The following PRELID2 variants were observed in gnomAD, a reference collection of about 807,000 sequenced individuals.
PRELID2 encodes PRELI domain containing 2.
PRELID2 carries 25 observed loss-of-function variants against 28.4 expected under a neutral mutation model. That is an observed-to-expected ratio of 0.88 (90% CI 0.64 to 1.23). The LOEUF (loss-of-function observed/expected upper bound fraction) is 1.23, where lower values mean the gene tolerates loss of function less well. PRELID2 is among the 50% of genes most tolerant of loss of function. The probability of loss-of-function intolerance (pLI) is 0.00; values close to 1 mark genes in which losing one functional copy is unlikely to be tolerated. For synonymous variants in PRELID2, 76 were observed against 71.6 expected, an observed-to-expected ratio of 1.06 and a Z score of -0.31; for missense variants, 201 against 214.4, an observed-to-expected ratio of 0.94 and a Z score of 0.39.
At chr5:145,542,358 G>A (rs1752750758) in intron 1 of PRELID2, among the ~76,000 whole-genome samples, 1 of 152,080 alleles carries the variant, frequency 6.6e-6, no homozygotes, top group African/African-American at 2.4e-5. Flanking sequence ...CAAAAGTGGT[G>A]GGGATTAGAA....
In PRELID2 at chr5:145,760,427, C is replaced by T. The variant is rs529630504; in HGVS notation, c.*109G>A. On this transcript the variant is annotated 3_prime_UTR_variant, in exon 7 of 7. Transcript: ENST00000683046. ...AAGCTGCCAACACTGTATCCTCAAA[C>T]CTGTATTCCAGAAACTGTGTCTGTG... 2 of 151,978 alleles carry T rather than the reference C, an allele frequency of 1.3e-5. No homozygotes were observed. Among genetic ancestry groups the T allele is most frequent in the African/African-American group, 2.4e-5 (1 of 41,358 alleles). The allele number at this position is 151,978 out of a possible 1,614,324, so 9.4% of individuals were successfully genotyped here. A position where few individuals can be genotyped will look rare whatever the true frequency, so the allele number is the denominator to read the frequency against.
the PRELID2 span, among the ~76,000 whole-genome samples, chr5:145,289,943 G>A: frequency 6.6e-6 from 1 of 151,634 alleles, no homozygotes; most frequent in Non-Finnish European, 1.5e-5. Flanking sequence ...TTTTTTAATT[G>A]GGTTGTTTGT....
At chr5:145,659,066 G>A (rs2149675884) in intron 1 of PRELID2, among the ~76,000 whole-genome samples, 1 of 152,314 alleles carries the variant, frequency 6.6e-6, no homozygotes, top group Non-Finnish European at 1.5e-5. Flanking sequence ...GAGCAAAGGA[G>A]AGTCTGACCT....
chr5:145,373,006 A>T, the PRELID2 span, among the ~76,000 whole-genome samples: 1 of 119,264 alleles, frequency 8.4e-6, no homozygotes, highest in Non-Finnish European at 1.6e-5. Context: ...CAACATATAT[A>T]ATATATATAT....
intron 5 of PRELID2, among the ~76,000 whole-genome samples, chr5:145,774,742 G>A (rs1388674651): frequency 6.6e-6 from 1 of 152,156 alleles, no homozygotes; most frequent in Admixed American, 6.5e-5. Flanking sequence ...GTTTCCTCAG[G>A]TCATAGTAGT....
At chr5:145,390,717 T>G in the PRELID2 span, among the ~76,000 whole-genome samples, 1 of 152,282 alleles carries the variant, frequency 6.6e-6, no homozygotes, top group Admixed American at 6.5e-5. Flanking sequence ...AAGTCTTAGT[T>G]CATTCCAGCA....
intron 1 of PRELID2, among the ~76,000 whole-genome samples, chr5:145,652,913 A>G (rs1431455941): frequency 6.6e-6 from 1 of 152,214 alleles, no homozygotes; most frequent in East Asian, 1.9e-4. Context: ...TTAACATTAA[A>G]CGTAAATGGG....
At chr5:145,387,875 C>T in the PRELID2 span, among the ~76,000 whole-genome samples, 1 of 150,190 alleles carries the variant, frequency 6.7e-6, no homozygotes, top group African/African-American at 2.5e-5. Flanking sequence ...GCAGTAAGCC[C>T]AGATTGCACC....
chr5:145,702,090 T>C (rs1755422302), intron 1 of PRELID2, among the ~76,000 whole-genome samples: 2 of 152,010 alleles, frequency 1.3e-5, no homozygotes, highest in Non-Finnish European at 1.5e-5. Context: ...CACACATATA[T>C]ATATATTTAA....
rs1752277285 is a variant in PRELID2, at chr5:145,492,357, A to T, written n.71-19042T>A. ...AAAATGTCTATTCAGGTCCTTTGCA[A>T]AATTTTTAATCGAGTCATTTTGTTT... On this transcript the variant is annotated intron_variant and non_coding_transcript_variant, in intron 1 of 2. Coordinates refer to the PRELID2 transcript ENST00000510259. 2.1e-5 allele frequency among the ~76,000 whole-genome samples: 2 copies of T among 95,710 alleles called. 1 individual carries two copies. Among genetic ancestry groups the T allele is most frequent in the South Asian group, 1.1e-3 (2 of 1,902 alleles). 62.8% of individuals were successfully genotyped at this position (95,710 alleles called of 152,430 possible). A position where few individuals can be genotyped will look rare whatever the true frequency, so the allele number is the denominator to read the frequency against.
the PRELID2 span, among the ~76,000 whole-genome samples, chr5:145,298,543 G>C: frequency 2.0e-5 from 3 of 152,234 alleles, no homozygotes; most frequent in African/African-American, 7.2e-5. Context: ...GGGCCTTGAA[G>C]GCTTTGTTCT....
At chr5:145,317,404 C>T in the PRELID2 span, among the ~76,000 whole-genome samples, 3 of 152,148 alleles carry the variant, frequency 2.0e-5, no homozygotes, top group Non-Finnish European at 4.4e-5. Flanking sequence ...GCCTGTGGCC[C>T]CAGAGAGCAA....
intron 1 of PRELID2, among the ~76,000 whole-genome samples, chr5:145,511,716 A>G (rs1752462843): frequency 6.6e-6 from 1 of 152,236 alleles, no homozygotes; most frequent in African/African-American, 2.4e-5. Context: ...GGACAATGCC[A>G]GCATCTCTGT....
the PRELID2 span, among the ~76,000 whole-genome samples, chr5:145,343,990 A>G: frequency 7.2e-3 from 1,096 of 152,044 alleles, 4 homozygotes; most frequent in Non-Finnish European, 0.013. Flanking sequence ...AATAGACATA[A>G]TGAGTAGCAA....
chr5:145,756,073 G>A (rs1757248351), downstream of PRELID2, among the ~76,000 whole-genome samples: 1 of 152,166 alleles, frequency 6.6e-6, no homozygotes, highest in Non-Finnish European at 1.5e-5. Flanking sequence ...GTCCATGTTG[G>A]GCTTCATTAC....
At chr5:145,766,261 A>G (rs1757754448) in intron 5 of PRELID2, among the ~76,000 whole-genome samples, 1 of 152,126 alleles carries the variant, frequency 6.6e-6, no homozygotes. Flanking sequence ...AGGGGAACTT[A>G]AAATACAGAT....
intron 5 of PRELID2, among the ~76,000 whole-genome samples, chr5:145,774,532 C>T (rs972009676): frequency 6.6e-6 from 1 of 152,230 alleles, no homozygotes; most frequent in Non-Finnish European, 1.5e-5. Context: ...TATATATGGA[C>T]TCTATCTGAC....
the PRELID2 span, among the ~76,000 whole-genome samples, chr5:145,241,416 C>T: frequency 6.6e-6 from 1 of 152,024 alleles, no homozygotes; most frequent in African/African-American, 2.4e-5. Context: ...CAACCACATG[C>T]AACCATCATT....
At chr5:145,641,669 A>AG (rs58743846) in intron 1 of PRELID2, among the ~76,000 whole-genome samples, 5,681 of 152,166 alleles carry the variant, frequency 0.037, 328 homozygotes, top group African/African-American at 0.13. Flanking sequence ...CAAGCCCCCC[A>AG]GGGGGGCCCT....
Sources: allele counts gnomAD v4.1 joint callset (sites outside exome capture counted in the v4.1 genomes callset), GRCh38; gene constraint gnomAD v4.1.1; transcripts MANE v1.5; gene names NCBI Gene and HGNC (gene_info 2026-07-23, HGNC 2026-07-21).